The following PSG5 variants were observed in gnomAD, a reference collection of about 807,000 sequenced individuals.
The protein encoded by PSG5 is pregnancy specific beta-1-glycoprotein 5, also known as pregnancy-specific beta-1-glycoprotein 5.
A neutral mutation model predicts 37.7 loss-of-function variants in PSG5; 53 were observed. The ratio of observed to expected loss-of-function variants is 1.41; its 90% CI spans 1.13 to 1.77. The LOEUF is 1.77. Ranked by LOEUF, PSG5 falls within the 40% of genes most tolerant of loss-of-function variation. The pLI, the probability that PSG5 is intolerant of heterozygous loss-of-function variation, is 0.00. For missense variants in PSG5, 547 were observed against 405.2 expected (o/e 1.35, Z -3.00); for synonymous variants, 221 against 155.4 (o/e 1.42, Z -3.14).
Position 43,184,955 on chromosome 19 carries a change from C to G in PSG5, c.257G>C (p.Gly86Ala), listed in dbSNP as rs768366158. 6.2e-7 allele frequency: 1 copy of G among 1,612,362 alleles called. No homozygotes were observed. The highest frequency in any genetic ancestry group is 1.1e-5 in the South Asian group (1 of 91,036). The change falls in exon 2 of 6, where the codon GGT (glycine) becomes GCT (alanine). Residue 86 changes from glycine to alanine, a missense_variant. Transcript: ENST00000342951. ...TGCAGGCCCATATATATTTATTTGA[C>G]CGTCTACTACATATGATGTAATGTA... is the stretch of plus-strand genomic sequence containing the variant. ...YHYITSYVVD[G>A]QINIYGPAYT...
At chr19:43,174,329 T>C (rs1968960122) in intron 4 of PSG5, 2 of 540,614 alleles carry the variant, frequency 3.7e-6, no homozygotes, top group Non-Finnish European at 4.7e-6. Context: ...TAGAAATAGT[T>C]AATGGTAAGT....
At position 43,179,541 on chromosome 19, in the gene PSG5, T is replaced by C. The variant is rs575967159; in HGVS notation, c.431-3393A>G. 3.3e-4 allele frequency among the ~76,000 whole-genome samples: 50 copies of C among 151,794 alleles called. No homozygotes were observed. In the South Asian group the frequency reaches 4.8e-3, roughly 14 times the overall value. On this transcript the variant is annotated intron_variant, in intron 2 of 5. Coordinates refer to ENST00000342951, the MANE Select transcript of PSG5 (RefSeq NM_002781.4). ...TCTTCTTAGTTTCAGTCTTACTTTG[T>C]CCCCCGAGGTATGTTTTCTCTGCAG...
intron 1 of PSG5, 140 bp downstream of exon 1, chr19:43,186,202 T>C: frequency 7.0e-7 from 1 of 1,438,222 alleles, no homozygotes; most frequent in South Asian, 1.2e-5. Context: ...GACCTTGAAC[T>C]CCTGATCTCA....
rs755671717 is a variant in PSG5, at chr19:43,175,369, C to G, written c.810G>C (p.Glu270Asp). The G allele has an allele frequency of 8.1e-6, 13 of 1,612,788 alleles. No homozygotes were observed. The highest frequency in any genetic ancestry group is 1.1e-5 in the Non-Finnish European group (13 of 1,179,302). The change falls in exon 4 of 6, where the codon GAG (glutamate) becomes GAC (aspartate). Residue 270 changes from glutamate to aspartate, a missense_variant. Coordinates refer to ENST00000342951, the MANE Select transcript of PSG5 (RefSeq NM_002781.4). ...ACTTCCCATTAATTGTCCAAAAATA[C>G]TCTGCCGGTGGGTTAGATTCCGCGA... ...SCFAESNPPA[E>D]YFWTINGKFQ...
intron 5 of PSG5, among the ~76,000 whole-genome samples, chr19:43,169,258 T>C (rs1968852307): frequency 6.6e-6 from 1 of 151,762 alleles, no homozygotes; most frequent in African/African-American, 2.4e-5. Context: ...TGTATGTTTT[T>C]TGAACACATG....
At chr19:43,168,529 C>A (rs1450755680) in intron 5 of PSG5, among the ~76,000 whole-genome samples, 1 of 151,304 alleles carries the variant, frequency 6.6e-6, no homozygotes, top group African/African-American at 2.4e-5. Context: ...CCACCACGCC[C>A]GGCAAATTTT....
intron 2 of PSG5, 122 bp from the exon 3 acceptor site, chr19:43,176,270 CT>C: frequency 6.8e-7 from 1 of 1,477,706 alleles, no homozygotes; most frequent in South Asian, 1.3e-5. Context: ...AAGCCAGTAG[CT>C]GATGCATGTG....
chr19:43,171,372 G>A (rs1371057690), intron 4 of PSG5: 1 of 152,930 alleles, frequency 6.5e-6, no homozygotes, highest in East Asian at 1.9e-4. Context: ...GTTCAGAGAA[G>A]TTGAGTCTTG....
Position 43,176,546 on chromosome 19 carries a change from T to A in PSG5, c.431-398A>T, listed in dbSNP as rs540915854. The stretch of plus-strand genomic sequence containing the variant: ...CCATCCTACTTTGTCCCCCTATATG[T>A]GATTTCTCTGCAGCTCCCATTTCCA... On this transcript the variant is annotated intron_variant, in intron 2 of 5. Coordinates refer to ENST00000342951, the MANE Select transcript of PSG5 (RefSeq NM_002781.4). Among the ~76,000 whole-genome samples the A allele has an allele frequency of 2.6e-4, 40 of 151,678 alleles. 1 individual carries two copies. The highest frequency in any genetic ancestry group is 8.7e-4 in the African/African-American group (36 of 41,246).
At chr19:43,181,080 G>A (rs1274709691) in intron 2 of PSG5, among the ~76,000 whole-genome samples, 1 of 151,508 alleles carries the variant, frequency 6.6e-6, no homozygotes, top group Non-Finnish European at 1.5e-5. Context: ...TGGCTCGTGT[G>A]TCTCCCCACA....
At chr19:43,170,168 T>A in intron 4 of PSG5, 30 bp from the exon 5 acceptor site, 1 of 1,543,532 alleles carries the variant, frequency 6.5e-7, no homozygotes, top group Middle Eastern at 1.7e-4. Context: ...AAAGAAGGAA[T>A]GAAGGTGATG....
chr19:43,184,418 C>A (rs1969198405), intron 2 of PSG5, among the ~76,000 whole-genome samples: 1 of 151,634 alleles, frequency 6.6e-6, no homozygotes, highest in African/African-American at 2.4e-5. Context: ...GGCTGAGCTT[C>A]TCTGAGGGTC....
At chr19:43,185,838 A>G (rs927531615) in intron 1 of PSG5, among the ~76,000 whole-genome samples, 2 of 37,124 alleles carry the variant, frequency 5.4e-5, no homozygotes, top group African/African-American at 1.8e-4. Flanking sequence ...TATTATTATC[A>G]TTTTTCAAAA....
intron 2 of PSG5, among the ~76,000 whole-genome samples, chr19:43,181,170 G>T (rs147583842): frequency 1.6e-4 from 25 of 151,656 alleles, no homozygotes; most frequent in African/African-American, 5.6e-4. Context: ...CCATTAGATA[G>T]CACACACCTG....
chr19:43,184,124 T>G (rs1599755960), intron 2 of PSG5, among the ~76,000 whole-genome samples: 1 of 151,666 alleles, frequency 6.6e-6, no homozygotes, highest in Non-Finnish European at 1.5e-5. Flanking sequence ...CTATGGACTG[T>G]CCTAAGCCTC....
At chr19:43,170,616 C>T (rs1414815642) in intron 4 of PSG5, 6 of 291,762 alleles carry the variant, frequency 2.1e-5, no homozygotes, top group African/African-American at 4.6e-5. Context: ...CCAGGAAGGG[C>T]GTGAAAGCAA....
chr19:43,178,732 T>G (rs1259977636), intron 2 of PSG5: 1 of 1,563,940 alleles, frequency 6.4e-7, no homozygotes, highest in Non-Finnish European at 8.8e-7. Flanking sequence ...CTACTCTGTT[T>G]TGCCTGGGGC....
intron 2 of PSG5, among the ~76,000 whole-genome samples, chr19:43,181,243 C>T (rs1969121886): frequency 1.3e-5 from 2 of 151,624 alleles, no homozygotes; most frequent in Admixed American, 1.3e-4. Flanking sequence ...ACAGCCTTTG[C>T]AGTTGTCCAC....
At chr19:43,174,907 G>C in intron 4 of PSG5, 1 of 1,234,040 alleles carries the variant, frequency 8.1e-7, no homozygotes, top group Non-Finnish European at 1.1e-6. Flanking sequence ...ACATCGAGAA[G>C]CAACTTGATC....
Sources: allele counts gnomAD v4.1 joint callset (sites outside exome capture counted in the v4.1 genomes callset), GRCh38; gene constraint gnomAD v4.1.1; transcripts MANE v1.5; gene names NCBI Gene and HGNC (gene_info 2026-07-23, HGNC 2026-07-21).